Variants in RAB28 observed in about 807,000 individuals in gnomAD.
RAB28 encodes RAB28, member RAS oncogene family.
RAB28 carries 24 observed loss-of-function variants against 31.7 expected under a neutral mutation model. The ratio of observed to expected loss-of-function variants is 0.76; its 90% CI spans 0.55 to 1.06. The LOEUF (loss-of-function observed/expected upper bound fraction) is 1.06, where lower values mean the gene tolerates loss of function less well. RAB28 is among the 50% of genes least tolerant of loss of function. The pLI, the probability that RAB28 is intolerant of heterozygous loss-of-function variation, is 0.00. For synonymous variants in RAB28, 100 were observed against 90.4 expected, an observed-to-expected ratio of 1.11 and a Z score of -0.60; for missense variants, 254 against 258.5, an observed-to-expected ratio of 0.98 and a Z score of 0.12.
At chr4:13,438,907 G>A (rs1429872847) in intron 4 of RAB28, among the ~76,000 whole-genome samples, 2 of 152,010 alleles carry the variant, frequency 1.3e-5, no homozygotes, top group East Asian at 3.9e-4. Flanking sequence ...ATATATGAGG[G>A]TTCCAAGTTA....
intron 1 of RAB28, among the ~76,000 whole-genome samples, chr4:13,481,361 T>G (rs1025117747): frequency 2.6e-5 from 4 of 152,024 alleles, no homozygotes; most frequent in African/African-American, 9.7e-5. Flanking sequence ...GAGAATCAAC[T>G]GAATCAGTGG....
intron 4 of RAB28, among the ~76,000 whole-genome samples, chr4:13,452,872 T>C (rs957796557): frequency 1.2e-4 from 18 of 152,144 alleles, no homozygotes; most frequent in African/African-American, 4.3e-4. Context: ...AGTAGGGTGC[T>C]GAAGTCAACA....
chr4:13,387,874 C>T (rs1364927239), intron 4 of RAB28, among the ~76,000 whole-genome samples: 1 of 152,012 alleles, frequency 6.6e-6, no homozygotes, highest in Non-Finnish European at 1.5e-5. Flanking sequence ...ACATTGTCCA[C>T]ACAATGCAAA....
intron 4 of RAB28, among the ~76,000 whole-genome samples, chr4:13,384,037 G>A (rs1307696068): frequency 2.0e-5 from 3 of 152,136 alleles, no homozygotes; most frequent in Admixed American, 2.0e-4. Flanking sequence ...AGTACTCACC[G>A]CCATGCACCA....
intron 4 of RAB28, chr4:13,459,854 G>C: frequency 7.8e-7 from 1 of 1,288,334 alleles, no homozygotes; most frequent in Non-Finnish European, 1.0e-6. Flanking sequence ...GGACAGAGCT[G>C]AAACTGCAAT....
rs570709310 is a variant in RAB28, at chr4:13,368,107, T to C, written c.*451A>G. The C allele has an allele frequency of 1.3e-4, 123 of 982,406 alleles. No individual in the cohort carries two copies. The African/African-American group carries it at 2.0e-3, about 16-fold the overall frequency. The allele number at this position is 982,406 out of a possible 1,614,324, so 60.9% of individuals were successfully genotyped here. On this transcript the variant is annotated 3_prime_UTR_variant, in exon 7 of 7. Transcript: ENST00000330852. ...GAAAGAATGTCTTCATAAGTATCTG[T>C]AGGTAAAATATATTACTTGCTTAAT...
At chr4:13,392,377 T>C (rs1045058790) in intron 4 of RAB28, among the ~76,000 whole-genome samples, 1 of 152,224 alleles carries the variant, frequency 6.6e-6, no homozygotes, top group Non-Finnish European at 1.5e-5. Context: ...TCCCAAGAGA[T>C]GACCTCTGTT....
chr4:13,430,264 G>C (rs1713740980), intron 4 of RAB28, among the ~76,000 whole-genome samples: 1 of 152,096 alleles, frequency 6.6e-6, no homozygotes, highest in Admixed American at 6.5e-5. Flanking sequence ...TCAGAGAGAA[G>C]ACCAAAGGTA....
intron 4 of RAB28, among the ~76,000 whole-genome samples, chr4:13,442,404 G>T (rs1431419898): frequency 6.7e-6 from 1 of 149,684 alleles, no homozygotes; most frequent in African/African-American, 2.5e-5. Context: ...AAAATTCATG[G>T]CAATAGCACA....
At chr4:13,464,673 C>A (rs962363297) in intron 3 of RAB28, among the ~76,000 whole-genome samples, 23 of 152,086 alleles carry the variant, frequency 1.5e-4, no homozygotes, top group African/African-American at 5.6e-4. Flanking sequence ...GCCTCTGGCA[C>A]CCACAGCTAA....
At chr4:13,444,385 T>TAC (rs1714591771) in intron 4 of RAB28, among the ~76,000 whole-genome samples, 1 of 152,094 alleles carries the variant, frequency 6.6e-6, no homozygotes, top group African/African-American at 2.4e-5. Flanking sequence ...TATACAAATA[T>TAC]ATATATATAT....
intron 4 of RAB28, among the ~76,000 whole-genome samples, chr4:13,421,781 C>A (rs555850495): frequency 2.0e-5 from 3 of 152,194 alleles, no homozygotes; most frequent in African/African-American, 7.2e-5. Context: ...AATGTTAGAC[C>A]TAAAACCATA....
At chr4:13,403,263 T>G (rs1711882720) in intron 4 of RAB28, among the ~76,000 whole-genome samples, 1 of 152,236 alleles carries the variant, frequency 6.6e-6, no homozygotes, top group South Asian at 2.1e-4. Context: ...TTACACGTTT[T>G]GTTTACATTT....
In RAB28 at chr4:13,368,518, G is replaced by GAAGGGCAGCC; in HGVS notation, c.*30_*39dup. On this transcript the variant is annotated 3_prime_UTR_variant, in exon 7 of 7. Coordinates refer to ENST00000330852, the MANE Select transcript of RAB28 (RefSeq NM_001017979.3). ...GAAGTCCTCGGGCCCACCCAGAGGTGAAGGGCAGCCAGAACTATCAACACA... is the reference window on the plus strand; with the variant it reads ...GAAGTCCTCGGGCCCACCCAGAGGTGAAGGGCAGCCAAGGGCAGCCAGAACTATCAACACA... 1 of 1,585,548 alleles carries GAAGGGCAGCC rather than the reference G, an allele frequency of 6.3e-7. No individual in the cohort carries two copies. Among genetic ancestry groups the GAAGGGCAGCC allele is most frequent in the Non-Finnish European group, 8.6e-7 (1 of 1,168,144 alleles).
At chr4:13,369,066 T>G (rs907598487) in intron 6 of RAB28, among the ~76,000 whole-genome samples, 2 of 152,206 alleles carry the variant, frequency 1.3e-5, no homozygotes, top group African/African-American at 4.8e-5. Context: ...GCCATTATAT[T>G]TAGCGAAAAC....
chr4:13,481,212 T>C (rs1470031907), intron 1 of RAB28, among the ~76,000 whole-genome samples: 2 of 152,046 alleles, frequency 1.3e-5, no homozygotes, highest in Non-Finnish European at 1.5e-5. Context: ...TTTCACACTT[T>C]TGAGGCAAAC....
chr4:13,387,269 A>G (rs1729412589), intron 4 of RAB28, among the ~76,000 whole-genome samples: 1 of 152,128 alleles, frequency 6.6e-6, no homozygotes, highest in Admixed American at 6.5e-5. Context: ...ATAGGAAGTT[A>G]ACATGATTAG....
chr4:13,455,963 A>C (rs1162391859), intron 4 of RAB28, among the ~76,000 whole-genome samples: 3 of 152,270 alleles, frequency 2.0e-5, no homozygotes, highest in African/African-American at 7.2e-5. Context: ...ATCTTGCTAA[A>C]GTCCATAAGT....
chr4:13,371,848 A>G, intron 6 of RAB28: 1 of 1,545,668 alleles, frequency 6.5e-7, no homozygotes, highest in Non-Finnish European at 8.8e-7. Context: ...AGTTGATGAA[A>G]TGAAAATAAT....
Sources: gnomAD v4.1 joint callset for allele counts (sites outside exome capture counted in the v4.1 genomes callset) on GRCh38, gnomAD v4.1.1 for gene constraint, MANE v1.5 for transcripts, NCBI Gene and HGNC (gene_info 2026-07-23, HGNC 2026-07-21) for gene names.